Variants in THSD4 observed in about 807,000 individuals in gnomAD.
THSD4 encodes thrombospondin type-1 domain-containing protein 4.
A neutral mutation model predicts 119.0 loss-of-function variants in THSD4; 69 were observed. The ratio of observed to expected loss-of-function variants is 0.58; its 90% CI spans 0.48 to 0.71. THSD4 has a LOEUF of 0.71. Among genes scored for constraint, THSD4 ranks in the 30% least tolerant of loss-of-function variants. The pLI is 0.00. For missense variants in THSD4, 1,393 were observed against 1,391.1 expected, an observed-to-expected ratio of 1.00 and a Z score of -0.02; for synonymous variants, 524 against 540.4, an observed-to-expected ratio of 0.97 and a Z score of 0.42.
intron 7 of THSD4, among the ~76,000 whole-genome samples, chr15:71,459,079 A>G (rs2047379203): frequency 6.6e-6 from 1 of 151,952 alleles, no homozygotes; most frequent in Non-Finnish European, 1.5e-5. Context: ...GGTATACTTT[A>G]CACAGCTTTC....
At chr15:71,221,179 A>T (rs1387149370) in intron 4 of THSD4, among the ~76,000 whole-genome samples, 1 of 152,156 alleles carries the variant, frequency 6.6e-6, no homozygotes, top group Non-Finnish European at 1.5e-5. Flanking sequence ...GTTTCTGGAA[A>T]TGGGTACCTG....
At chr15:71,191,120 C>T (rs2043668307) in intron 3 of THSD4, among the ~76,000 whole-genome samples, 2 of 152,270 alleles carry the variant, frequency 1.3e-5, no homozygotes, top group South Asian at 4.2e-4. Context: ...CCTTTACTAA[C>T]CTCTTTGCCT....
rs867152217 is a variant in THSD4 at position 71,302,263 on chromosome 15, G to A, written c.1015+45548G>A. Among the ~76,000 whole-genome samples, 6 of 152,162 alleles carry A rather than the reference G, an allele frequency of 3.9e-5. No homozygotes were observed. In the South Asian group the frequency reaches 1.0e-3, roughly 26 times the overall value. The stretch of plus-strand genomic sequence containing the variant: ...GGAGAGCACACCAGAGGTGGCGGAA[G>A]GGTAGGGGTAGGCAGAGCAAGGCTG... On this transcript the variant is annotated intron_variant, in intron 6 of 17. Transcript: ENST00000261862.
At chr15:71,682,024 A>G (rs1008948428) in intron 8 of THSD4, among the ~76,000 whole-genome samples, 1 of 152,202 alleles carries the variant, frequency 6.6e-6, no homozygotes, top group African/African-American at 2.4e-5. Flanking sequence ...GTCTCTCAGT[A>G]CCATTCAGCA....
At chr15:71,525,323 T>G (rs1029705173) in intron 7 of THSD4, among the ~76,000 whole-genome samples, 10 of 152,158 alleles carry the variant, frequency 6.6e-5, no homozygotes, top group African/African-American at 2.4e-4. Context: ...GATTTAACTT[T>G]AAGCATCCTA....
chr15:71,768,267 C>CAAAAAAAACCAA (rs1555451036), intron 16 of THSD4, among the ~76,000 whole-genome samples: 1 of 74,438 alleles, frequency 1.3e-5, no homozygotes, highest in Non-Finnish European at 4.2e-5. Flanking sequence ...AGTAGTCTCA[C>CAAAAAAAACCAA]AAAAAAAACC....
chr15:71,667,852 A>T (rs562246854), intron 8 of THSD4, among the ~76,000 whole-genome samples: 2 of 152,214 alleles, frequency 1.3e-5, no homozygotes, highest in Non-Finnish European at 2.9e-5. Flanking sequence ...AAGTGTAAAG[A>T]CTACTTGAAG....
rs540804114 is a variant in THSD4 at position 71,694,377 on chromosome 15, A to G, written c.1357+33643A>G. Among the ~76,000 whole-genome samples, 29 of 152,308 alleles carry G rather than the reference A, an allele frequency of 1.9e-4. 1 individual carries two copies. The South Asian group carries it at 6.0e-3, about 32-fold the overall frequency. Reference sequence around the variant, plus strand: ...AGATCTGCTGTCTCTGATGACTTTTAATAAAGGTCTGGCATCTTTCAAGTA... The same window carrying G: ...AGATCTGCTGTCTCTGATGACTTTTGATAAAGGTCTGGCATCTTTCAAGTA... On this transcript the variant is annotated intron_variant, in intron 8 of 17. Coordinates refer to ENST00000261862, the MANE Select transcript of THSD4 (RefSeq NM_024817.3).
chr15:71,133,987 G>T (rs778563337), intron 1 of THSD4, among the ~76,000 whole-genome samples: 1 of 152,216 alleles, frequency 6.6e-6, no homozygotes, highest in African/African-American at 2.4e-5. Flanking sequence ...TAATGTGTTT[G>T]CTTGAAAGCT....
chr15:71,440,947 T>A (rs1199820062), intron 7 of THSD4, among the ~76,000 whole-genome samples: 1 of 152,126 alleles, frequency 6.6e-6, no homozygotes, highest in African/African-American at 2.4e-5. Flanking sequence ...TGAATCTGTT[T>A]TTTTGTTGTT....
chr15:71,400,179 A>C (rs184523376), intron 6 of THSD4, among the ~76,000 whole-genome samples: 111 of 152,326 alleles, frequency 7.3e-4, no homozygotes, highest in Middle Eastern at 3.4e-3. Flanking sequence ...GTTCAGTATT[A>C]ACTTCTAAAG....
At chr15:71,155,461 G>T (rs974347650) in intron 3 of THSD4, among the ~76,000 whole-genome samples, 1 of 152,170 alleles carries the variant, frequency 6.6e-6, no homozygotes, top group African/African-American at 2.4e-5. Context: ...TTTGGGTGGG[G>T]ACACAGATCT....
At chr15:71,500,603 G>C (rs573367378) in intron 7 of THSD4, among the ~76,000 whole-genome samples, 4 of 152,294 alleles carry the variant, frequency 2.6e-5, no homozygotes, top group Admixed American at 2.6e-4. Flanking sequence ...GAGTTTTCTA[G>C]TTTCAGATAA....
At chr15:71,725,278 G>A (rs1397115108) in intron 8 of THSD4, among the ~76,000 whole-genome samples, 2 of 150,282 alleles carry the variant, frequency 1.3e-5, no homozygotes, top group Non-Finnish European at 1.5e-5. Context: ...GGCCGGGGTT[G>A]GGTTCAGCCT....
At chr15:71,377,280 G>C (rs996841254) in intron 6 of THSD4, among the ~76,000 whole-genome samples, 11 of 152,248 alleles carry the variant, frequency 7.2e-5, no homozygotes, top group African/African-American at 2.2e-4. Flanking sequence ...TGAGTTTGAG[G>C]TGAAAGCAGG....
Position 71,182,109 on chromosome 15 carries a change from C to T in THSD4, c.99+27177C>T, listed in dbSNP as rs950417895. On this transcript the variant is annotated intron_variant, in intron 3 of 17. Transcript: ENST00000261862. ...ACTTTTGAGTGTTCCTTCTCTATGA[C>T]ACCCTCTGCCCTGATTTCTTAAAGA... Among the ~76,000 whole-genome samples, 7 of 147,144 alleles carry T rather than the reference C, an allele frequency of 4.8e-5. 1 individual carries two copies. The South Asian group carries it at 1.6e-3, about 34-fold the overall frequency.
At chr15:71,688,039 A>G (rs1022690029) in intron 8 of THSD4, among the ~76,000 whole-genome samples, 1 of 152,192 alleles carries the variant, frequency 6.6e-6, no homozygotes, top group Non-Finnish European at 1.5e-5. Context: ...GTTCAGATGT[A>G]TTCTATGTAA....
chr15:71,587,906 CCA>C (rs994803105), intron 7 of THSD4, among the ~76,000 whole-genome samples: 2 of 151,682 alleles, frequency 1.3e-5, no homozygotes, highest in African/African-American at 4.8e-5. Context: ...GGTAACACAC[CCA>C]GTGGCTTGGA....
chr15:71,484,193 A>T (rs530213848), intron 7 of THSD4, among the ~76,000 whole-genome samples: 1 of 152,300 alleles, frequency 6.6e-6, no homozygotes, highest in South Asian at 2.1e-4. Flanking sequence ...GAAATTCCTG[A>T]TGCTCTGACC....
Sources: allele counts gnomAD v4.1 joint callset (sites outside exome capture counted in the v4.1 genomes callset), GRCh38; gene constraint gnomAD v4.1.1; transcripts MANE v1.5; gene names NCBI Gene and HGNC (gene_info 2026-07-23, HGNC 2026-07-21).